RTN3: variants seen among roughly 807,000 people sequenced by gnomAD.
The protein encoded by RTN3 is reticulon-3.
Under a neutral mutation model 77.8 loss-of-function variants are expected in RTN3, and 49 were observed. The ratio of observed to expected loss-of-function variants is 0.63; its 90% confidence interval spans 0.50 to 0.80. The LOEUF is 0.80. Ranked by LOEUF, RTN3 falls within the 30% of genes least tolerant of loss-of-function variation. The pLI is 0.00. For synonymous variants in RTN3, 464 were observed against 446.9 expected, an observed-to-expected ratio of 1.04 and a Z score of -0.48; for missense variants, 1,236 against 1,211.9, an observed-to-expected ratio of 1.02 and a Z score of -0.29.
chr11:63,753,888 A>G (rs964780148), intron 7 of RTN3, among the ~76,000 whole-genome samples, 180 bp downstream of exon 7: 6 of 152,352 alleles, frequency 3.9e-5, no homozygotes, highest in Non-Finnish European at 7.3e-5. Context: ...GAGAAACTGG[A>G]TATTTAGGAG....
At chr11:63,715,782 T>C (rs560927795) in intron 2 of RTN3, among the ~76,000 whole-genome samples, 1 of 152,204 alleles carries the variant, frequency 6.6e-6, no homozygotes, top group Admixed American at 6.5e-5. Flanking sequence ...TACCATAACC[T>C]TAGTTCACTG....
chr11:63,745,470 A>G (rs1482519786), intron 3 of RTN3, among the ~76,000 whole-genome samples: 1 of 152,202 alleles, frequency 6.6e-6, no homozygotes, highest in Non-Finnish European at 1.5e-5. Context: ...TGTCTGAGGA[A>G]GTAGCCCTGC....
At chr11:63,732,908 A>G (rs1325701456) in intron 3 of RTN3, among the ~76,000 whole-genome samples, 2 of 152,254 alleles carry the variant, frequency 1.3e-5, no homozygotes, top group Non-Finnish European at 2.9e-5. Context: ...CGTAAATGAA[A>G]AATCCTTCAG....
chr11:63,721,058 A>G (rs762737405), intron 3 of RTN3, 26 bp downstream of exon 3: 5 of 1,541,906 alleles, frequency 3.2e-6, no homozygotes, highest in Non-Finnish European at 4.4e-6. Context: ...AGAATACTGC[A>G]TGTGGTTAAT....
chr11:63,686,834 AAAAAG>A (rs973973561), intron 1 of RTN3, among the ~76,000 whole-genome samples: 5 of 152,226 alleles, frequency 3.3e-5, no homozygotes, highest in Non-Finnish European at 5.9e-5. Flanking sequence ...TTGTCTTAAA[AAAAAG>A]AAAAGAAAAG....
At chr11:63,733,086 A>C (rs946906579) in intron 3 of RTN3, among the ~76,000 whole-genome samples, 1 of 151,906 alleles carries the variant, frequency 6.6e-6, no homozygotes, top group Admixed American at 6.6e-5. Context: ...AGGCCGAGGC[A>C]GGTGGATCAC....
Position 63,735,630 on chromosome 11 carries a change from A to G in RTN3, c.2531-14361A>G, listed in dbSNP as rs540436048. Among the ~76,000 whole-genome samples the G allele has an allele frequency of 8.9e-4, 110 of 123,326 alleles. 1 individual carries two copies. In the South Asian group the frequency reaches 0.014, roughly 16 times the overall value. 80.9% of individuals were successfully genotyped at this position (123,326 alleles called of 152,430 possible). On this transcript the variant is annotated intron_variant, in intron 3 of 8. Transcript: ENST00000377819. ...TTTCAACCCCTGTTTCCTGGGCTCA[A>G]GCCATCCTCCCACCTCAGCCTCCTG...
chr11:63,753,007 T>A, intron 5 of RTN3, 62 bp from the exon 6 acceptor site: 4 of 1,418,958 alleles, frequency 2.8e-6, no homozygotes, highest in East Asian at 2.3e-5. Flanking sequence ...GAGAATGACA[T>A]CAGTTAATGT....
At position 63,720,815 on chromosome 11, in the gene RTN3, A is replaced by G. The variant is rs768418177; in HGVS notation, c.2313A>G (p.Glu771=). The change falls in exon 3 of 9, where the codon GAA becomes GAG. Residue 771 remains glutamate (E), a synonymous_variant. Transcript: ENST00000377819. ...AGCGTGACGCAGAATTGCCTTCTGA[A>G]GAAGTACTGAAGCAAACTTTCACAT... ...SAQRDAELPS[E]EVLKQTFTFA... 6.2e-7 allele frequency: 1 copy of G among 1,613,918 alleles called. No homozygotes were observed. Among genetic ancestry groups the G allele is most frequent in the Admixed American group, 1.7e-5 (1 of 60,012 alleles).
At chr11:63,739,089 A>G (rs928360057) in intron 3 of RTN3, among the ~76,000 whole-genome samples, 2 of 152,216 alleles carry the variant, frequency 1.3e-5, no homozygotes, top group African/African-American at 4.8e-5. Context: ...AAAGATTTGG[A>G]AAATAAAAAG....
intron 3 of RTN3, among the ~76,000 whole-genome samples, chr11:63,731,002 G>A (rs931582309): frequency 2.6e-5 from 4 of 152,134 alleles, no homozygotes; most frequent in African/African-American, 9.7e-5. Context: ...TTTTACAAGT[G>A]TATAAGGTAT....
chr11:63,753,766 T>A lies in RTN3; in HGVS notation c.2994+58T>A. 2.1e-6 allele frequency: 3 copies of A among 1,446,492 alleles called. No individual in the cohort carries two copies. The South Asian group carries it at 3.4e-5, about 17-fold the overall frequency. The allele number at this position is 1,446,492 out of a possible 1,614,324, so 89.6% of individuals were successfully genotyped here. ...CAGTTGATGTATGACTAGTTGTAGT[T>A]CATTTCTGAGACATTGAATGTTCAG... On this transcript the variant is annotated intron_variant, in intron 7 of 8. Coordinates refer to ENST00000377819, the MANE Select transcript of RTN3 (RefSeq NM_001265589.2).
At position 63,753,098 on chromosome 11, in the gene RTN3, T is replaced by C. The variant is rs1172438280; in HGVS notation, c.2907T>C (p.Tyr969=). ...KLAVFMWLMT[Y]VGAVFNGITL... ...CTGTCTTCATGTGGCTGATGACCTA[T>C]GTTGGTGCTGTTTTTAACGGAATCA... is the stretch of plus-strand genomic sequence containing the variant. Residue 969 remains tyrosine (Y), a synonymous_variant, in exon 6 of 9, where the codon TAT becomes TAC. Transcript: ENST00000377819. The C allele has an allele frequency of 6.2e-7, 1 of 1,614,086 alleles. No individual in the cohort carries two copies. The highest frequency in any genetic ancestry group is 8.5e-7 in the Non-Finnish European group (1 of 1,180,030).
Position 63,759,578 on chromosome 11 carries a change from C to T in RTN3, c.*1377C>T, listed in dbSNP as rs1025816744. The T allele has an allele frequency of 6.6e-6, 1 of 152,638 alleles. No homozygotes were observed. The highest frequency in any genetic ancestry group is 1.5e-5 in the Non-Finnish European group (1 of 68,048). The allele number at this position is 152,638 out of a possible 1,614,324, so 9.5% of individuals were successfully genotyped here. A position where few individuals can be genotyped will look rare whatever the true frequency, so the allele number is the denominator to read the frequency against. On this transcript the variant is annotated 3_prime_UTR_variant, in exon 9 of 9. Coordinates refer to ENST00000377819, the MANE Select transcript of RTN3 (RefSeq NM_001265589.2). ...AGGAAGTGCATTCTCCATCCTCATC[C>T]TCTGCCCTCCCAGGAAGTCAGTGAT...
intron 1 of RTN3, among the ~76,000 whole-genome samples, chr11:63,684,636 T>G (rs1244117283): frequency 2.6e-5 from 4 of 152,180 alleles, no homozygotes; most frequent in Non-Finnish European, 5.9e-5. Context: ...GAATTTGTAT[T>G]TCTTAGATGT....
In RTN3 at chr11:63,704,887, C is replaced by T. The variant is rs1428381286; in HGVS notation, c.179C>T (p.Ser60Phe). The T allele has an allele frequency of 1.9e-6, 3 of 1,611,878 alleles. No homozygotes were observed. The highest frequency in any genetic ancestry group is 1.3e-5 in the African/African-American group (1 of 74,832). The change falls in exon 2 of 9, where the codon TCT becomes TTT. Residue 60 changes from serine (S) to phenylalanine (F), a missense_variant. Physicochemically the swap from Ser to Phe is radical, Grantham distance 155. Around this residue, in one of 3 missense-constraint regions of RTN3, gnomAD observed 1,056 missense variants for 990.4 expected, o/e 1.07. Transcript: ENST00000377819. ...FVSSSSSQPV[S>F]LFSTSQEGLS... ...TCTTCCTCTTCCTCTCAGCCTGTAT[C>T]TCTATTTTCGACCTCACAAGGCAAG...
At chr11:63,717,375 CTTTTTTTTTTTTT>C (rs1187530525) in intron 2 of RTN3, among the ~76,000 whole-genome samples, 2 of 75,162 alleles carry the variant, frequency 2.7e-5, no homozygotes, top group Non-Finnish European at 5.3e-5. Flanking sequence ...TTAACTCTGT[CTTTTTTTTTTTTT>C]TTTTTTTTTT....
chr11:63,732,495 G>GA (rs34055001), intron 3 of RTN3, among the ~76,000 whole-genome samples: 2,754 of 125,128 alleles, frequency 0.022, 83 homozygotes, highest in African/African-American at 0.071. Flanking sequence ...GACTGGACAA[G>GA]AAAAAAAAAA....
chr11:63,739,104 A>G (rs1391941745), intron 3 of RTN3, among the ~76,000 whole-genome samples: 1 of 152,226 alleles, frequency 6.6e-6, no homozygotes, highest in African/African-American at 2.4e-5. Context: ...AAAAAGAAGG[A>G]ATCAGTCGTA....
Sources: allele counts gnomAD v4.1 joint callset (sites outside exome capture counted in the v4.1 genomes callset), GRCh38; gene constraint gnomAD v4.1.1; regional missense constraint gnomAD v4.1.1; transcripts MANE v1.5; gene names NCBI Gene and HGNC (gene_info 2026-07-23, HGNC 2026-07-21).